Variants in ZBTB38 observed in about 807,000 individuals in gnomAD.
ZBTB38 encodes zinc finger and BTB domain containing 38.
In ZBTB38, 20 loss-of-function variants were observed where a neutral mutation model predicts 76.8. That is an observed-to-expected ratio of 0.26 (90% CI 0.18 to 0.38). The LOEUF (loss-of-function observed/expected upper bound fraction) is 0.38, where lower values mean the gene tolerates loss of function less well. ZBTB38 is among the 10% of genes least tolerant of loss of function. ZBTB38 has a pLI of 1.00. For synonymous variants in ZBTB38, 504 were observed against 544.2 expected (o/e 0.93, Z 1.03); for missense variants, 1,082 against 1,482.3 (o/e 0.73, Z 4.43).
At chr3:141,378,678 G>A (rs1183401815) in intron 2 of ZBTB38, among the ~76,000 whole-genome samples, 2 of 152,110 alleles carry the variant, frequency 1.3e-5, no homozygotes, top group Non-Finnish European at 2.9e-5. Flanking sequence ...TTATTTTGCC[G>A]CCTTCTAACT....
chr3:141,334,181 C>T (rs1404346668), intron 1 of ZBTB38, among the ~76,000 whole-genome samples: 1 of 149,752 alleles, frequency 6.7e-6, no homozygotes, highest in East Asian at 2.0e-4. Flanking sequence ...CATTCAGGAT[C>T]ATGTTTAATG....
intron 4 of ZBTB38, among the ~76,000 whole-genome samples, chr3:141,392,375 G>C (rs528082882): frequency 6.6e-6 from 1 of 152,300 alleles, no homozygotes; most frequent in South Asian, 2.1e-4. Flanking sequence ...AAGCCAAGCA[G>C]AATGAAATAT....
At chr3:141,423,517 C>A (rs1003089262) in intron 5 of ZBTB38, among the ~76,000 whole-genome samples, 1 of 151,986 alleles carries the variant, frequency 6.6e-6, no homozygotes, top group Non-Finnish European at 1.5e-5. Flanking sequence ...AGCAAGTTAG[C>A]GGAACTGTAA....
chr3:141,404,122 A>G lies in ZBTB38; in HGVS notation c.-1+91A>G, dbSNP rs1168329808. On this transcript the variant is annotated intron_variant, in intron 5 of 5. Coordinates refer to ENST00000321464, the MANE Select transcript of ZBTB38 (RefSeq NM_001376113.1). ...AAAGGGTATATGATTCAAGACAGCA[A>G]TCCACCAAGTTTTGGGGTTACAAAG... is the stretch of plus-strand genomic sequence containing the variant. The G allele has an allele frequency of 2.6e-5, 4 of 152,332 alleles. No homozygotes were observed. In the East Asian group the frequency reaches 5.8e-4, roughly 22 times the overall value. The allele number at this position is 152,332 out of a possible 1,614,324, so 9.4% of individuals were successfully genotyped here.
intron 5 of ZBTB38, among the ~76,000 whole-genome samples, chr3:141,407,369 C>T (rs1312644865): frequency 6.6e-6 from 1 of 152,166 alleles, no homozygotes; most frequent in Non-Finnish European, 1.5e-5. Context: ...TTTTTCCATG[C>T]ATAACTCATA....
chr3:141,368,879 C>T (rs751399028), intron 1 of ZBTB38, 75 bp downstream of exon 1: 4 of 151,834 alleles, frequency 2.6e-5, no homozygotes, highest in African/African-American at 4.8e-5. Flanking sequence ...TTCCCTGACG[C>T]CTACAGCTTG....
At chr3:141,412,536 G>A (rs375916249) in intron 5 of ZBTB38, among the ~76,000 whole-genome samples, 8 of 151,834 alleles carry the variant, frequency 5.3e-5, no homozygotes, top group African/African-American at 1.7e-4. Context: ...AACATATTGC[G>A]AGTGTTTACC....
At chr3:141,417,675 A>C (rs1267408855) in intron 5 of ZBTB38, among the ~76,000 whole-genome samples, 1 of 152,146 alleles carries the variant, frequency 6.6e-6, no homozygotes, top group Non-Finnish European at 1.5e-5. Flanking sequence ...CCTATATTAA[A>C]TCTTTTAAAT....
chr3:141,437,471 T>C (rs1267162906), intron 5 of ZBTB38, among the ~76,000 whole-genome samples: 1 of 152,166 alleles, frequency 6.6e-6, no homozygotes, highest in Non-Finnish European at 1.5e-5. Context: ...CCTGCAAACC[T>C]TTGAGTGTAG....
At chr3:141,358,809 C>T (rs1353826953) in intron 1 of ZBTB38, among the ~76,000 whole-genome samples, 3 of 152,168 alleles carry the variant, frequency 2.0e-5, no homozygotes, top group African/African-American at 7.2e-5. Context: ...ATTTTATATG[C>T]ATGAAAACAT....
intron 5 of ZBTB38, among the ~76,000 whole-genome samples, chr3:141,431,369 T>C (rs1239710492): frequency 6.9e-6 from 1 of 143,996 alleles, no homozygotes; most frequent in Non-Finnish European, 1.5e-5. Context: ...GGGGGGACTC[T>C]GAGTGTCAGT....
chr3:141,357,518 TG>T (rs1477199381), intron 1 of ZBTB38, among the ~76,000 whole-genome samples: 1 of 152,200 alleles, frequency 6.6e-6, no homozygotes, highest in Admixed American at 6.5e-5. Context: ...TGTTTTGTTT[TG>T]TTTGTTTGTT....
At position 141,444,482 on chromosome 3, in the gene ZBTB38, T is replaced by A. The variant is rs1210499375; in HGVS notation, c.2094T>A (p.Asn698Lys). 2 of 1,614,162 alleles carry A rather than the reference T, an allele frequency of 1.2e-6. No homozygotes were observed. The highest frequency in any genetic ancestry group is 2.7e-5 in the African/African-American group (2 of 75,044). ...AGDVPVLSLSNSSENAASVIS... is the reference protein window; with the variant it reads ...AGDVPVLSLSKSSENAASVIS... ...ATGTACCTGTTTTATCTTTGAGTAA[T>A]AGCAGTGAGAATGCCGCCTCTGTGA... Residue 698 changes from asparagine to lysine, a missense_variant, in exon 6 of 6, where the codon AAT (asparagine) becomes AAA (lysine). By Grantham distance (94) the Asn-to-Lys change is moderately conservative. Around this residue, in one of 8 missense-constraint regions of ZBTB38, gnomAD observed 471 missense variants for 581.0 expected, o/e 0.81. Coordinates refer to ENST00000321464, the MANE Select transcript of ZBTB38 (RefSeq NM_001376113.1). This position sits in a 1 kb window ranked among gnomAD's most constrained non-coding sequence, Gnocchi z 5.1.
intron 2 of ZBTB38, among the ~76,000 whole-genome samples, chr3:141,379,410 C>A (rs888239485): frequency 1.3e-5 from 2 of 152,244 alleles, no homozygotes; most frequent in Non-Finnish European, 2.9e-5. Flanking sequence ...GGCATCCTGT[C>A]CGGATGTGAC....
chr3:141,418,901 T>C (rs2074707464), intron 5 of ZBTB38, among the ~76,000 whole-genome samples: 1 of 152,228 alleles, frequency 6.6e-6, no homozygotes, highest in African/African-American at 2.4e-5. Flanking sequence ...GTAGAATATT[T>C]ACGTGATCAC....
chr3:141,406,342 A>T (rs896032758), intron 5 of ZBTB38, among the ~76,000 whole-genome samples: 2 of 152,172 alleles, frequency 1.3e-5, no homozygotes, highest in Admixed American at 1.3e-4. Flanking sequence ...AAAGAGGGGC[A>T]GAAAAGGCCT....
At chr3:141,325,024 A>G (rs200938288) in intron 1 of ZBTB38, among the ~76,000 whole-genome samples, 2 of 152,260 alleles carry the variant, frequency 1.3e-5, no homozygotes, top group African/African-American at 4.8e-5. Context: ...TTCTGTGTCT[A>G]TGCCAGTTTT....
intron 5 of ZBTB38, among the ~76,000 whole-genome samples, chr3:141,423,297 A>G (rs1307133890): frequency 1.3e-5 from 2 of 152,248 alleles, no homozygotes; most frequent in South Asian, 4.1e-4. Context: ...GGAGAAAAAA[A>G]GCTGTAGTTA....
At chr3:141,431,355 T>TATATATATATA (rs1362541027) in intron 5 of ZBTB38, among the ~76,000 whole-genome samples, 2 of 137,954 alleles carry the variant, frequency 1.4e-5, no homozygotes, top group Non-Finnish European at 3.0e-5. Flanking sequence ...TATATATATA[T>TATATATATATA]TTGGGGGGGA....
Sources: gnomAD v4.1 joint callset for allele counts (sites outside exome capture counted in the v4.1 genomes callset) on GRCh38, gnomAD v4.1.1 for gene constraint, gnomAD v4.1.1 regional missense constraint, Gnocchi (gnomAD v3.1) non-coding constraint, MANE v1.5 for transcripts, NCBI Gene and HGNC (gene_info 2026-07-23, HGNC 2026-07-21) for gene names.